The following GET4 variants were observed in gnomAD, a reference collection of about 807,000 sequenced individuals.
The protein encoded by GET4 is guided entry of tail-anchored proteins factor 4.
In GET4, 20 loss-of-function variants were observed where a neutral mutation model predicts 40.0. The observed-to-expected ratio is 0.50, with a 90% confidence interval of 0.35 to 0.73. The LOEUF is 0.73. Among genes scored for constraint, GET4 ranks in the 30% least tolerant of loss-of-function variants. The probability of loss-of-function intolerance (pLI) is 0.01; values close to 1 mark genes in which losing one functional copy is unlikely to be tolerated. For missense variants in GET4, 557 were observed against 454.0 expected (o/e 1.23, Z -2.06); for synonymous variants, 280 against 194.6 (o/e 1.44, Z -3.65).
chr7:876,789 C>G lies in GET4; in HGVS notation c.144C>G (p.Thr48=), dbSNP rs1242447827. 3 of 1,250,484 alleles carry G rather than the reference C, an allele frequency of 2.4e-6. No individual in the cohort carries two copies. The highest frequency in any genetic ancestry group is 1.6e-5 in the African/African-American group (1 of 62,484). 77.5% of individuals were successfully genotyped at this position (1,250,484 alleles called of 1,614,324 possible). Residue 48 remains threonine (T), a synonymous_variant, in exon 1 of 9, where the codon ACC becomes ACG. Coordinates refer to ENST00000265857, the MANE Select transcript of GET4 (RefSeq NM_015949.3). ...ACGAGGCGCACCAGATGTACCGGAC[C>G]CTGTTCTTCAGGTACCCGCGCCCGG... ...DYYEAHQMYR[T]LFFRYMSQSK...
intron 1 of GET4, chr7:882,659 CGCGG>C (rs1562893186): frequency 6.6e-6 from 1 of 152,154 alleles, no homozygotes; most frequent in African/African-American, 2.4e-5. Flanking sequence ...CCGGGGATGG[CGCGG>C]GTTGTGGGCG....
At chr7:894,181 A>G (rs189111007) in intron 8 of GET4, among the ~76,000 whole-genome samples, 2 of 151,536 alleles carry the variant, frequency 1.3e-5, no homozygotes, top group East Asian at 3.9e-4. Context: ...TCTCCACTCC[A>G]GAGCTCCCCA....
At chr7:894,814 G>A (rs1346252637) in intron 8 of GET4, among the ~76,000 whole-genome samples, 1 of 152,212 alleles carries the variant, frequency 6.6e-6, no homozygotes, top group Non-Finnish European at 1.5e-5. Context: ...TGGAGCTTTG[G>A]CTTTGTACGT....
chr7:893,614 G>C lies in GET4; in HGVS notation c.747-126G>C. On this transcript the variant is annotated intron_variant, in intron 6 of 8. Transcript: ENST00000265857. ...GTTGGGCATGGGCGCGGTGTGTGCA[G>C]GTGAGTGTTGGGCGCGGGCGTGGTG... is the stretch of plus-strand genomic sequence containing the variant. The C allele has an allele frequency of 7.8e-6, 5 of 643,654 alleles. 1 individual carries two copies. The highest frequency in any genetic ancestry group is 5.2e-5 in the South Asian group (3 of 57,206). 39.9% of individuals were successfully genotyped at this position (643,654 alleles called of 1,614,324 possible).
At chr7:880,238 G>A (rs1844056941) in intron 1 of GET4, 1 of 152,418 alleles carries the variant, frequency 6.6e-6, no homozygotes, top group African/African-American at 2.4e-5. Flanking sequence ...CTGCTCCAGA[G>A]GCTGAGGCAG....
Position 876,741 on chromosome 7 carries a change from C to A in GET4, c.96C>A (p.Ala32=). 1 of 1,375,732 alleles carries A rather than the reference C, an allele frequency of 7.3e-7. No homozygotes were observed. Among genetic ancestry groups the A allele is most frequent in the South Asian group, 1.5e-5 (1 of 67,290 alleles). The allele number at this position is 1,375,732 out of a possible 1,614,324, so 85.2% of individuals were successfully genotyped here. Reference sequence around the variant, plus strand: ...AGCGTGTGGAGGGCAAGCTGCGCGCCAGCGTCGAGAAGGGCGACTACTACG... The same window carrying A: ...AGCGTGTGGAGGGCAAGCTGCGCGCAAGCGTCGAGAAGGGCGACTACTACG... ...GVQRVEGKLR[A]SVEKGDYYEA... Residue 32 remains alanine, a synonymous_variant, in exon 1 of 9, where the codon GCC becomes GCA. Transcript: ENST00000265857.
At position 895,320 on chromosome 7, in the gene GET4, G is replaced by A. The variant is rs764123961; in HGVS notation, c.896-14G>A. ...GCTGCCCAGGCGTGACTGCCACGGT[G>A]TTCTTCTTTCCAGGGAACCTTCTGA... On this transcript the variant is annotated splice_polypyrimidine_tract_variant and intron_variant, in intron 8 of 8. Coordinates refer to ENST00000265857, the MANE Select transcript of GET4 (RefSeq NM_015949.3). 3.5e-6 allele frequency: 5 copies of A among 1,443,434 alleles called. No individual in the cohort carries two copies. The highest frequency in any genetic ancestry group is 4.8e-6 in the Non-Finnish European group (5 of 1,031,576). The allele number at this position is 1,443,434 out of a possible 1,614,324, so 89.4% of individuals were successfully genotyped here.
intron 4 of GET4, among the ~76,000 whole-genome samples, chr7:888,093 G>C (rs986193614): frequency 6.6e-6 from 1 of 152,192 alleles, no homozygotes; most frequent in Non-Finnish European, 1.5e-5. Context: ...TGGCACCAGC[G>C]CTGTGAGATG....
intron 6 of GET4, 49 bp downstream of exon 6, chr7:892,467 G>A (rs770434500): frequency 1.1e-5 from 18 of 1,566,466 alleles, no homozygotes; most frequent in Non-Finnish European, 1.5e-5. Context: ...TGTGCGGGTT[G>A]TGTGTAGACG....
At position 896,209 on chromosome 7, in the gene GET4, T is replaced by A. The variant is rs953676737; in HGVS notation, c.*787T>A. On this transcript the variant is annotated 3_prime_UTR_variant, in exon 9 of 9. Transcript: ENST00000265857. ...CCTAACATTTTGGGTTTTAACCAAA[T>A]AACCGGTCCAGGAGTGAGCAGCTCC... 1.3e-5 allele frequency: 2 copies of A among 152,230 alleles called. No individual in the cohort carries two copies. Among genetic ancestry groups the A allele is most frequent in the African/African-American group, 4.8e-5 (2 of 41,448 alleles). The allele number at this position is 152,230 out of a possible 1,614,324, so 9.4% of individuals were successfully genotyped here. A position where few individuals can be genotyped will look rare whatever the true frequency, so the allele number is the denominator to read the frequency against.
intron 1 of GET4, chr7:879,863 G>A (rs1844048403): frequency 6.6e-6 from 1 of 152,232 alleles, no homozygotes; most frequent in Admixed American, 6.5e-5. Context: ...GGCACGGGTT[G>A]TGATAGCGCC....
At chr7:886,761 G>T in intron 3 of GET4, 111 bp downstream of exon 3, 1 of 754,150 alleles carries the variant, frequency 1.3e-6, no homozygotes, top group Non-Finnish European at 2.3e-6. Context: ...TGTGTGCTGT[G>T]GGGTGAACTC....
intron 1 of GET4, chr7:879,947 C>T (rs547325531): frequency 6.6e-6 from 1 of 152,324 alleles, no homozygotes; most frequent in African/African-American, 2.4e-5. Context: ...CGAGCCTTCC[C>T]GTGGGTAGAG....
chr7:878,672 G>A (rs1272536691), intron 1 of GET4, among the ~76,000 whole-genome samples: 2 of 148,584 alleles, frequency 1.3e-5, no homozygotes, highest in African/African-American at 2.5e-5. Flanking sequence ...TCCACCTCCC[G>A]AGTTCAAGCT....
intron 1 of GET4, chr7:884,653 C>T (rs570411606): frequency 4.9e-6 from 1 of 203,344 alleles, no homozygotes; most frequent in African/African-American, 2.4e-5. Context: ...TGAAGAGGAG[C>T]CCTTTTCTGT....
Position 878,774 on chromosome 7 carries a change from T to C in GET4, c.155+1974T>C, listed in dbSNP as rs1298681921. Among the ~76,000 whole-genome samples the C allele has an allele frequency of 3.9e-5, 6 of 152,242 alleles. No individual in the cohort carries two copies. The East Asian group carries it at 5.8e-4, about 15-fold the overall frequency. ...TTTTGTATTTTTACTAGAGACGGGG[T>C]TTCACCATGTTGGCCAGGCTGGTCT... On this transcript the variant is annotated intron_variant, in intron 1 of 8. Coordinates refer to ENST00000265857, the MANE Select transcript of GET4 (RefSeq NM_015949.3).
At chr7:894,230 C>G (rs1335736250) in intron 8 of GET4, among the ~76,000 whole-genome samples, 1 of 152,032 alleles carries the variant, frequency 6.6e-6, no homozygotes, top group African/African-American at 2.4e-5. Flanking sequence ...GGGATCACAT[C>G]ACGTGGCTGG....
At chr7:885,982 T>G in intron 1 of GET4, 74 bp from the exon 2 acceptor site, 1 of 915,336 alleles carries the variant, frequency 1.1e-6, no homozygotes, top group Non-Finnish European at 1.8e-6. Context: ...TTTTAGCTTC[T>G]GACCTGAAGA....
In GET4 at chr7:895,314, C is replaced by T. The variant is rs758470878; in HGVS notation, c.896-20C>T. The T allele has an allele frequency of 2.1e-5, 29 of 1,351,150 alleles. No individual in the cohort carries two copies. The highest frequency in any genetic ancestry group is 3.1e-5 in the Non-Finnish European group (29 of 949,206). The allele number at this position is 1,351,150 out of a possible 1,614,324, so 83.7% of individuals were successfully genotyped here. A position where few individuals can be genotyped will look rare whatever the true frequency, so the allele number is the denominator to read the frequency against. On this transcript the variant is annotated intron_variant, in intron 8 of 8. Transcript: ENST00000265857. ...TGGGAGGCTGCCCAGGCGTGACTGC[C>T]ACGGTGTTCTTCTTTCCAGGGAACC...
Sources: gnomAD v4.1 joint callset for allele counts (sites outside exome capture counted in the v4.1 genomes callset) on GRCh38, gnomAD v4.1.1 for gene constraint, MANE v1.5 for transcripts, NCBI Gene and HGNC (gene_info 2026-07-23, HGNC 2026-07-21) for gene names.